Variants in TNRC6C observed in about 807,000 individuals in gnomAD.
The protein encoded by TNRC6C is trinucleotide repeat-containing gene 6C protein.
A neutral mutation model predicts 153.7 loss-of-function variants in TNRC6C; 20 were observed. The ratio of observed to expected loss-of-function variants is 0.13; its 90% confidence interval spans 0.09 to 0.19. The LOEUF (loss-of-function observed/expected upper bound fraction) is 0.19, where lower values mean the gene tolerates loss of function less well. Among genes scored for constraint, TNRC6C ranks in the 10% least tolerant of loss-of-function variants. The pLI, the probability that TNRC6C is intolerant of heterozygous loss-of-function variation, is 1.00. For missense variants in TNRC6C, 1,987 were observed against 2,172.0 expected (o/e 0.91, Z 1.69); for synonymous variants, 811 against 841.4 (o/e 0.96, Z 0.63).
intron 1 of TNRC6C, among the ~76,000 whole-genome samples, chr17:78,019,108 G>A (rs576323607): frequency 1.8e-4 from 27 of 152,232 alleles, no homozygotes; most frequent in Middle Eastern, 6.8e-3. Flanking sequence ...CGGGGGCCTC[G>A]GCTGTTACAG....
chr17:77,975,174 T>G (rs2070981203), intron 1 of TNRC6C, among the ~76,000 whole-genome samples: 1 of 152,150 alleles, frequency 6.6e-6, no homozygotes, highest in African/African-American at 2.4e-5. Flanking sequence ...TGTAAATACC[T>G]TCAGGTGGTG....
rs138945971 is a variant in TNRC6C at position 77,996,210 on chromosome 17, T to G, written c.-37-7960T>G. Among the ~76,000 whole-genome samples, 255 of 152,308 alleles carry G rather than the reference T, an allele frequency of 1.7e-3. 1 individual carries two copies. Among genetic ancestry groups the G allele is most frequent in the African/African-American group, 5.6e-3 (234 of 41,564 alleles). On this transcript the variant is annotated intron_variant, in intron 1 of 22. Transcript: ENST00000636222. Reference sequence around the variant, plus strand: ...CGTAATCAAATAATGCTGCAGCCAGTCAGTGCTTACTGAGTAAGCCGAGGT... The same window carrying G: ...CGTAATCAAATAATGCTGCAGCCAGGCAGTGCTTACTGAGTAAGCCGAGGT...
At chr17:77,977,766 A>G (rs945684515) in intron 1 of TNRC6C, among the ~76,000 whole-genome samples, 11 of 152,092 alleles carry the variant, frequency 7.2e-5, no homozygotes, top group Admixed American at 5.9e-4. Context: ...AACATACCAA[A>G]GACACAAAAA....
intron 3 of TNRC6C, among the ~76,000 whole-genome samples, chr17:78,054,679 CTACTGCAGACTACTGT>C (rs1243500229): frequency 1.3e-5 from 2 of 150,932 alleles, no homozygotes; most frequent in African/African-American, 5.0e-5. Flanking sequence ...CTACTGGAGA[CTACTGCAGACTACTGT>C]AGACTACTAT....
intron 4 of TNRC6C, among the ~76,000 whole-genome samples, chr17:78,065,884 T>C (rs767250236): frequency 6.6e-6 from 1 of 152,204 alleles, no homozygotes; most frequent in Non-Finnish European, 1.5e-5. Flanking sequence ...TTTTGCAATG[T>C]GATATTTGTA....
chr17:78,103,565 C>G lies in TNRC6C; in HGVS notation c.4712+12C>G. 1 of 1,613,830 alleles carries G rather than the reference C, an allele frequency of 6.2e-7. No homozygotes were observed. The highest frequency in any genetic ancestry group is 8.5e-7 in the Non-Finnish European group (1 of 1,179,832). On this transcript the variant is annotated intron_variant, in intron 19 of 19. Coordinates refer to ENST00000301624, the Ensembl canonical transcript of TNRC6C. ...AAGTCTCTGCACATGTATGTTTTCT[C>G]ACAGCCACCTCAGCGCTCCAAGTAG...
At chr17:78,025,180 T>C (rs994605717) in intron 1 of TNRC6C, among the ~76,000 whole-genome samples, 2 of 152,200 alleles carry the variant, frequency 1.3e-5, no homozygotes, top group African/African-American at 4.8e-5. Context: ...CACAGTATTG[T>C]GTATCTGTCA....
exon 20 of TNRC6C, chr17:78,106,379 C>T (rs1387160506): frequency 2.0e-5 from 3 of 151,958 alleles, no homozygotes; most frequent in South Asian, 2.1e-4. Flanking sequence ...CGATTGCTTT[C>T]GCCCCTTCGT....
rs111530197 is a variant in TNRC6C at position 78,049,192 on chromosome 17, A to G, written c.130A>G (p.Ser44Gly). The G allele has an allele frequency of 2.7e-5, 43 of 1,613,270 alleles. 1 individual carries two copies. Among genetic ancestry groups the G allele is most frequent in the African/African-American group, 1.7e-4 (13 of 75,066 alleles). The change falls in exon 3 of 20, where the codon AGT (serine) becomes GGT (glycine). Residue 44 changes from serine (S) to glycine (G), a missense_variant. Ser to Gly is a moderately conservative substitution (Grantham distance 56). This residue lies in a region of TNRC6C where 1,052 missense variants were observed against 1,017.0 expected (regional missense o/e 1.03). Coordinates refer to ENST00000301624, the Ensembl canonical transcript of TNRC6C. This position sits in a 1 kb window ranked among gnomAD's most constrained non-coding sequence, Gnocchi z 4.1. ...TGCCCTTGGAGCAGGGGGAGCGAACAGTAATGGAAGTGCGGCCAGAGTGTG... is the reference window on the plus strand; with the variant it reads ...TGCCCTTGGAGCAGGGGGAGCGAACGGTAATGGAAGTGCGGCCAGAGTGTG...
intron 17 of TNRC6C, among the ~76,000 whole-genome samples, chr17:78,099,902 A>G (rs903806998): frequency 2.6e-5 from 4 of 152,256 alleles, no homozygotes; most frequent in African/African-American, 9.6e-5. Context: ...CAATGGGGGT[A>G]CAGGCATTGG....
At chr17:78,064,329 T>G (rs893451923) in intron 3 of TNRC6C, among the ~76,000 whole-genome samples, 3 of 152,140 alleles carry the variant, frequency 2.0e-5, no homozygotes, top group Non-Finnish European at 4.4e-5. Context: ...ACTCCTGACC[T>G]TAAGTAATCC....
intron 1 of TNRC6C, among the ~76,000 whole-genome samples, chr17:77,965,071 T>C (rs2070887186): frequency 6.6e-6 from 1 of 152,196 alleles, no homozygotes; most frequent in South Asian, 2.1e-4. Context: ...TGTGATTATG[T>C]GCCAAGGACA....
At chr17:78,081,130 C>T (rs991308072) in intron 10 of TNRC6C, among the ~76,000 whole-genome samples, 3 of 152,150 alleles carry the variant, frequency 2.0e-5, no homozygotes, top group African/African-American at 7.2e-5. Context: ...TATGCATCCT[C>T]ATGTGGTGGA....
chr17:78,086,455 A>G (rs2073291872), intron 11 of TNRC6C, 48 bp from the exon 14 acceptor site: 11 of 1,554,612 alleles, frequency 7.1e-6, no homozygotes, highest in Admixed American at 1.7e-5. Context: ...CATTAGTTCA[A>G]CTTACACTTA....
chr17:78,053,628 C>CAA (rs1275700681), intron 3 of TNRC6C, among the ~76,000 whole-genome samples: 3 of 87,860 alleles, frequency 3.4e-5, no homozygotes, highest in African/African-American at 4.4e-5. Context: ...AACTCTGTCT[C>CAA]AAAAAAAAAA....
At chr17:78,090,480 G>A (rs181370957) in intron 13 of TNRC6C, among the ~76,000 whole-genome samples, 50 of 152,362 alleles carry the variant, frequency 3.3e-4, no homozygotes, top group African/African-American at 1.2e-3. Context: ...AAGGACCTAT[G>A]GGGTATGTGT....
chr17:77,990,355 A>T (rs939919056), intron 1 of TNRC6C, among the ~76,000 whole-genome samples: 1 of 152,166 alleles, frequency 6.6e-6, no homozygotes, highest in Non-Finnish European at 1.5e-5. Flanking sequence ...AAAATTCTTC[A>T]TTGGCTTCTC....
chr17:77,996,964 A>G (rs2071338002), intron 1 of TNRC6C, among the ~76,000 whole-genome samples: 1 of 152,188 alleles, frequency 6.6e-6, no homozygotes, highest in African/African-American at 2.4e-5. Context: ...TATTTCACAG[A>G]GACAGCCAAC....
chr17:77,981,333 C>A (rs971017219), intron 1 of TNRC6C, among the ~76,000 whole-genome samples: 7 of 152,124 alleles, frequency 4.6e-5, no homozygotes, highest in South Asian at 2.1e-4. Context: ...GCCCCTCTAC[C>A]CTCCCTGGAG....
Sources: gnomAD v4.1 joint callset for allele counts (sites outside exome capture counted in the v4.1 genomes callset) on GRCh38, gnomAD v4.1.1 for gene constraint, gnomAD v4.1.1 regional missense constraint, Gnocchi (gnomAD v3.1) non-coding constraint, MANE v1.5 for transcripts, NCBI Gene and HGNC (gene_info 2026-07-23, HGNC 2026-07-21) for gene names.